Variants in ZC3H12B observed in about 807,000 individuals in gnomAD.
The protein encoded by ZC3H12B is zinc finger CCCH-type containing 12B, also known as probable ribonuclease ZC3H12B.
Under a neutral mutation model 43.9 loss-of-function variants are expected in ZC3H12B, and 7 were observed. That is an observed-to-expected ratio of 0.16 (90% CI 0.09 to 0.30). ZC3H12B has a LOEUF of 0.30. ZC3H12B is among the 10% of genes least tolerant of loss of function. The pLI, the probability that ZC3H12B is intolerant of heterozygous loss-of-function variation, is 1.00. For synonymous variants in ZC3H12B, 222 were observed against 241.7 expected (o/e 0.92, Z 0.76); for missense variants, 475 against 670.2 (o/e 0.71, Z 3.22).
At chrX:65,309,812 G>A in the ZC3H12B span, among the ~76,000 whole-genome samples, 3 of 111,746 alleles carry the variant, frequency 2.7e-5, no homozygotes, top group Admixed American at 2.8e-4. Flanking sequence ...CGATCAACTC[G>A]ACTTCATCCC....
At chrX:65,501,066 A>T (rs756709305) in intron 4 of ZC3H12B, among the ~76,000 whole-genome samples, 2 of 111,345 alleles carry the variant, frequency 1.8e-5, no homozygotes, top group African/African-American at 3.3e-5. Flanking sequence ...TACCAAGGTC[A>T]CACAGCTAGT....
chrX:65,207,550 A>T, the ZC3H12B span, among the ~76,000 whole-genome samples: 1 of 110,721 alleles, frequency 9.0e-6, no homozygotes, highest in African/African-American at 3.3e-5. Context: ...TGCTGGGGTG[A>T]TGGGTGCACC....
chrX:65,223,795 C>A, the ZC3H12B span, among the ~76,000 whole-genome samples: 3 of 111,590 alleles, frequency 2.7e-5, no homozygotes, highest in Admixed American at 9.5e-5. Flanking sequence ...TCAAGATCGG[C>A]CATAATCACA....
intron 3 of ZC3H12B, among the ~76,000 whole-genome samples, chrX:65,411,082 TAAAG>T (rs1259664736): frequency 5.4e-5 from 6 of 111,756 alleles, no homozygotes; most frequent in African/African-American, 2.0e-4. Context: ...GATGAACAGA[TAAAG>T]AAAATGTGGT....
intron 3 of ZC3H12B, among the ~76,000 whole-genome samples, chrX:65,476,586 A>T (rs2067994203): frequency 9.0e-6 from 1 of 111,452 alleles, no homozygotes; most frequent in South Asian, 3.8e-4. Flanking sequence ...GAAAAAGGTG[A>T]AGATTTCTCA....
chrX:65,243,864 C>G, the ZC3H12B span, among the ~76,000 whole-genome samples: 5 of 111,302 alleles, frequency 4.5e-5, no homozygotes, highest in African/African-American at 1.6e-4. Context: ...ACAAAGTTAG[C>G]CAGGAACAGA....
the ZC3H12B span, among the ~76,000 whole-genome samples, chrX:65,065,995 A>C: frequency 9.3e-6 from 1 of 107,562 alleles, no homozygotes; most frequent in Non-Finnish European, 1.9e-5. Context: ...CAGCTCCATC[A>C]GGTCATTTAT....
chrX:65,162,957 C>T, the ZC3H12B span, among the ~76,000 whole-genome samples: 3 of 112,032 alleles, frequency 2.7e-5, no homozygotes, highest in South Asian at 3.7e-4. Flanking sequence ...TGTGGATGTC[C>T]TTTCTGTTTG....
At chrX:65,224,108 A>C in the ZC3H12B span, among the ~76,000 whole-genome samples, 1 of 112,787 alleles carries the variant, frequency 8.9e-6, no homozygotes, top group Non-Finnish European at 1.9e-5. Context: ...ATACAATGGA[A>C]TATTACTCTG....
chrX:65,123,000 G>A, the ZC3H12B span, among the ~76,000 whole-genome samples: 1 of 111,766 alleles, frequency 8.9e-6, no homozygotes, highest in East Asian at 2.8e-4. Context: ...AACAAGTCTT[G>A]TGCCAGTTTT....
intron 3 of ZC3H12B, among the ~76,000 whole-genome samples, chrX:65,449,619 A>G (rs768390262): frequency 5.4e-5 from 6 of 110,859 alleles, no homozygotes; most frequent in Non-Finnish European, 9.4e-5. Flanking sequence ...ACTCCATCTC[A>G]AAAGAATTAA....
intron 2 of ZC3H12B, among the ~76,000 whole-genome samples, chrX:65,377,123 C>T (rs1188232260): frequency 9.2e-6 from 1 of 108,163 alleles, no homozygotes; most frequent in Non-Finnish European, 1.9e-5. Context: ...AATTGGCATA[C>T]CGAAGAATGC....
the ZC3H12B span, among the ~76,000 whole-genome samples, chrX:65,129,709 A>G: frequency 9.0e-6 from 1 of 111,209 alleles, no homozygotes; most frequent in African/African-American, 3.3e-5. Context: ...TCTTGTATTA[A>G]TAAGAAAAAT....
chrX:65,234,585 T>C, the ZC3H12B span, among the ~76,000 whole-genome samples: 1 of 112,114 alleles, frequency 8.9e-6, no homozygotes, highest in Non-Finnish European at 1.9e-5. Flanking sequence ...TGTTTTCAGA[T>C]AGTATGATTT....
chrX:65,213,719 G>C, the ZC3H12B span, among the ~76,000 whole-genome samples: 1 of 109,472 alleles, frequency 9.1e-6, no homozygotes, highest in Non-Finnish European at 1.9e-5. Flanking sequence ...TTGTTTTAAT[G>C]ACTACTTATT....
exon 5 of ZC3H12B, chrX:65,502,035 A>T: frequency 8.3e-7 from 1 of 1,210,677 alleles, no homozygotes; most frequent in Non-Finnish European, 1.1e-6. Context: ...GTGGCTATGG[A>T]GCCTGAGGAA....
the ZC3H12B span, among the ~76,000 whole-genome samples, chrX:65,190,219 A>G: frequency 9.1e-6 from 1 of 110,256 alleles, no homozygotes; most frequent in East Asian, 2.9e-4. Flanking sequence ...TATAGTTTGA[A>G]GTCAGGTAGT....
chrX:65,293,793 C>G, the ZC3H12B span, among the ~76,000 whole-genome samples: 2 of 111,067 alleles, frequency 1.8e-5, no homozygotes, highest in African/African-American at 6.5e-5. Context: ...TTAACCCAAT[C>G]CAAGAAAGAC....
At chrX:65,406,621 A>ATGGGCGGGGCTGGGCGGGGACGGGCGGGG (rs2066829177) in intron 3 of ZC3H12B, among the ~76,000 whole-genome samples, 1 of 22,495 alleles carries the variant, frequency 4.4e-5, no homozygotes, top group African/African-American at 5.3e-4. Context: ...GCTGGGCGGG[A>ATGGGCGGGGCTGGGCGGGGACGGGCGGGG]CTGGGCGGGG....
Sources: allele counts gnomAD v4.1 joint callset (sites outside exome capture counted in the v4.1 genomes callset), GRCh38; gene constraint gnomAD v4.1.1; transcripts MANE v1.5; gene names NCBI Gene and HGNC (gene_info 2026-07-23, HGNC 2026-07-21).